The following DST variants were observed in gnomAD, a reference collection of about 807,000 sequenced individuals.
DST encodes the protein dystonin.
DST carries 253 observed loss-of-function variants against 875.2 expected under a neutral mutation model. The ratio of observed to expected loss-of-function variants is 0.29; its 90% confidence interval spans 0.26 to 0.32. The LOEUF (loss-of-function observed/expected upper bound fraction) is 0.32, where lower values mean the gene tolerates loss of function less well. DST is among the 10% of genes least tolerant of loss of function. The pLI, the probability that DST is intolerant of heterozygous loss-of-function variation, is 1.00. For synonymous variants in DST, 3,124 were observed against 3,197.1 expected (o/e 0.98, Z 0.77); for missense variants, 8,287 against 9,111.6 (o/e 0.91, Z 3.68).
intron 5 of DST, among the ~76,000 whole-genome samples, chr6:56,731,315 A>T (rs538661312): frequency 6.6e-6 from 1 of 152,364 alleles, no homozygotes; most frequent in African/African-American, 2.4e-5. Context: ...TGGACTCAAG[A>T]GACTCTCCCA....
chr6:56,646,238 A>G, intron 13 of DST, 56 bp from the exon 14 acceptor site: 1 of 1,009,116 alleles, frequency 9.9e-7, no homozygotes, highest in Non-Finnish European at 1.4e-6. Flanking sequence ...TGTTTTCATG[A>G]TCTCACTAAG....
At chr6:56,924,548 G>T (rs1223256601) in intron 2 of DST, among the ~76,000 whole-genome samples, 1 of 152,102 alleles carries the variant, frequency 6.6e-6, no homozygotes, top group Non-Finnish European at 1.5e-5. Flanking sequence ...CTGAGAGCAT[G>T]GTGTCTTGCC....
At chr6:56,586,329 T>G (rs959171576) in intron 49 of DST, among the ~76,000 whole-genome samples, 1 of 151,906 alleles carries the variant, frequency 6.6e-6, no homozygotes, top group Non-Finnish European at 1.5e-5. Flanking sequence ...CTGGTTGAAT[T>G]GATCCCTTTA....
intron 5 of DST, among the ~76,000 whole-genome samples, chr6:56,733,043 A>G (rs2099508489): frequency 6.6e-6 from 1 of 152,218 alleles, no homozygotes; most frequent in Non-Finnish European, 1.5e-5. Flanking sequence ...TTCAGAAGTA[A>G]GATGAGTGTT....
intron 2 of DST, among the ~76,000 whole-genome samples, chr6:56,938,114 A>C (rs201538007): frequency 0.48 from 54,539 of 113,274 alleles, 11,052 homozygotes; most frequent in East Asian, 0.63. Flanking sequence ...CTCTCTATAT[A>C]TATATATATA....
intron 3 of DST, among the ~76,000 whole-genome samples, chr6:56,852,676 C>T (rs1333105744): frequency 2.6e-5 from 4 of 152,182 alleles, no homozygotes; most frequent in South Asian, 4.1e-4. Context: ...ATAAACATAA[C>T]GACATATCAA....
intron 3 of DST, among the ~76,000 whole-genome samples, chr6:56,873,064 T>C (rs1778099558): frequency 6.6e-6 from 1 of 152,192 alleles, no homozygotes. Flanking sequence ...TATCCCATTG[T>C]AGTTTTAATT....
At chr6:56,610,603 C>T in intron 38 of DST, 41 bp from the exon 39 acceptor site, 1 of 1,519,992 alleles carries the variant, frequency 6.6e-7, no homozygotes, top group Non-Finnish European at 8.8e-7. Context: ...TGCAAGTCGT[C>T]CTCAAGAGAT....
At chr6:56,637,936 C>G (rs920027244) in intron 22 of DST, among the ~76,000 whole-genome samples, 2 of 152,000 alleles carry the variant, frequency 1.3e-5, no homozygotes, top group Non-Finnish European at 2.9e-5. Context: ...TCAAATTAAG[C>G]TACTTTCAGT....
intron 4 of DST, among the ~76,000 whole-genome samples, chr6:56,765,785 G>A (rs934959828): frequency 1.4e-4 from 21 of 151,880 alleles, no homozygotes; most frequent in African/African-American, 4.6e-4. Flanking sequence ...ATTGGTCCCT[G>A]ACAACTATCA....
intron 3 of DST, among the ~76,000 whole-genome samples, chr6:56,876,375 C>T (rs1779632387): frequency 6.6e-6 from 1 of 152,166 alleles, no homozygotes; most frequent in African/African-American, 2.4e-5. Context: ...ATCACATCAC[C>T]TGGTACTGAA....
In DST at chr6:56,781,191, T is replaced by C. The variant is rs1401773622; in HGVS notation, c.626-45902A>G. 2.0e-5 allele frequency among the ~76,000 whole-genome samples: 3 copies of C among 152,260 alleles called. 1 individual carries two copies. Among genetic ancestry groups the C allele is most frequent in the Non-Finnish European group, 1.5e-5 (1 of 68,020 alleles). ...CCAGCTTTGTTCTTTCGGCTTAGGATTGACTTGGTGATGCGGGCTTTTTGA... is the reference window on the plus strand; with the variant it reads ...CCAGCTTTGTTCTTTCGGCTTAGGACTGACTTGGTGATGCGGGCTTTTTGA... On this transcript the variant is annotated intron_variant, in intron 4 of 103. Transcript: ENST00000680361.
intron 87 of DST, among the ~76,000 whole-genome samples, chr6:56,486,207 C>CA (rs1562298317): frequency 6.6e-6 from 1 of 151,400 alleles, no homozygotes; most frequent in African/African-American, 2.4e-5. Context: ...ACTAAAAATA[C>CA]AAAAAATTAG....
chr6:56,529,305 A>C (rs962785761), intron 66 of DST, 143 bp downstream of exon 66: 1 of 689,630 alleles, frequency 1.5e-6, no homozygotes, highest in Non-Finnish European at 2.2e-6. Context: ...GACTTCATTA[A>C]AAGTAATCTG....
chr6:56,934,832 T>C (rs1300865937), intron 2 of DST, among the ~76,000 whole-genome samples: 1 of 151,604 alleles, frequency 6.6e-6, no homozygotes, highest in Non-Finnish European at 1.5e-5. Flanking sequence ...TTAAAAAAAA[T>C]TAGGAAGCTA....
chr6:56,606,605 G>T lies in DST; in HGVS notation c.8023C>A (p.Pro2675Thr). The change falls in exon 40 of 104, where the codon CCA becomes ACA. Residue 2675 changes from proline to threonine, a missense_variant. Pro to Thr is a conservative substitution (Grantham distance 38). Coordinates refer to ENST00000680361, the MANE Select transcript of DST (RefSeq NM_001374736.1). ...NENSMVPQGA[P>T]VGSLSVKNKA... is the part of the protein sequence containing the mutation. ...TTCTTCACACTTAAGCTACCAACTG[G>T]TGCCCCCTGGGGAACCATGGAATTT... 6.2e-7 allele frequency: 1 copy of T among 1,613,470 alleles called. No homozygotes were observed. Among genetic ancestry groups the T allele is most frequent in the Non-Finnish European group, 8.5e-7 (1 of 1,179,588 alleles).
At chr6:56,754,722 T>C (rs907998914) in intron 4 of DST, among the ~76,000 whole-genome samples, 2 of 152,184 alleles carry the variant, frequency 1.3e-5, no homozygotes, top group African/African-American at 4.8e-5. Flanking sequence ...CTTTGACCCA[T>C]GAATATTTTA....
At chr6:56,551,899 C>G (rs144324009) in intron 61 of DST, among the ~76,000 whole-genome samples, 1 of 152,222 alleles carries the variant, frequency 6.6e-6, no homozygotes, top group Non-Finnish European at 1.5e-5. Flanking sequence ...GTGAATAATT[C>G]CAGAAATGGA....
chr6:56,812,209 G>A (rs17752002), intron 4 of DST, among the ~76,000 whole-genome samples: 25,174 of 151,664 alleles, frequency 0.17, 2,335 homozygotes, highest in Non-Finnish European at 0.19. Context: ...TCACAGTTCT[G>A]TAACATGGAT....
Sources: gnomAD v4.1 joint callset for allele counts (sites outside exome capture counted in the v4.1 genomes callset) on GRCh38, gnomAD v4.1.1 for gene constraint, MANE v1.5 for transcripts, NCBI Gene and HGNC (gene_info 2026-07-23, HGNC 2026-07-21) for gene names.